AARS2: variants seen among roughly 807,000 people sequenced by gnomAD.
AARS2 encodes alanine--tRNA ligase, mitochondrial.
A neutral mutation model predicts 119.7 loss-of-function variants in AARS2; 78 were observed. That is an observed-to-expected ratio of 0.65 (90% CI 0.54 to 0.79). AARS2 has a LOEUF of 0.79. AARS2 is among the 30% of genes least tolerant of loss of function. The pLI, the probability that AARS2 is intolerant of heterozygous loss-of-function variation, is 0.00. For synonymous variants in AARS2, 502 were observed against 526.3 expected, an observed-to-expected ratio of 0.95 and a Z score of 0.63; for missense variants, 1,157 against 1,291.3, an observed-to-expected ratio of 0.90 and a Z score of 1.59.
rs377764395 is a variant in AARS2 at position 44,304,753 on chromosome 6, G to T, written c.1644C>A (p.Ser548=). 1.6e-5 allele frequency: 26 copies of T among 1,614,108 alleles called. No individual in the cohort carries two copies. The highest frequency in any genetic ancestry group is 2.1e-5 in the Non-Finnish European group (25 of 1,180,048). ...LYTEDGTAVA[S]VGKGQRCGLL... ...GGCCACAGCGCTGGCCTTTCCCCACGGAGGCCACTGCTGTCCCGTCCTCTG... is the reference window on the plus strand; with the variant it reads ...GGCCACAGCGCTGGCCTTTCCCCACTGAGGCCACTGCTGTCCCGTCCTCTG... The change falls in exon 12 of 22, where the codon TCC becomes TCA. Residue 548 remains serine, a synonymous_variant. Coordinates refer to ENST00000244571, the MANE Select transcript of AARS2 (RefSeq NM_020745.4).
At position 44,302,805 on chromosome 6, in the gene AARS2, C is replaced by T; in HGVS notation, c.2361G>A (p.Gln787=). 6.2e-7 allele frequency: 1 copy of T among 1,613,176 alleles called. No homozygotes were observed. Among genetic ancestry groups the T allele is most frequent in the Non-Finnish European group, 8.5e-7 (1 of 1,179,742 alleles). ...CCAGGCCTACTGGCATGCTGACCTG[C>T]TGGGCCTGCTCCCCAGTGACGGCCA... ...RLLAVTGEQA[Q]QARELGQSLA... Residue 787 remains glutamine (Q), a synonymous_variant, in exon 17 of 22, where the codon CAG becomes CAA. Transcript: ENST00000244571.
In AARS2 at chr6:44,299,147, C is replaced by T. The variant is rs966406849; in HGVS notation, c.*1400G>A. On this transcript the variant is annotated 3_prime_UTR_variant, in exon 22 of 22. Transcript: ENST00000244571. ...TTCCACACGGGTCACACCCTCACCTCCCAGCTCCCTGCTCACATGTCACCT... is the reference window on the plus strand; with the variant it reads ...TTCCACACGGGTCACACCCTCACCTTCCAGCTCCCTGCTCACATGTCACCT... 6.6e-6 allele frequency among the ~76,000 whole-genome samples: 1 copy of T among 152,164 alleles called. No homozygotes were observed. The highest frequency in any genetic ancestry group is 2.4e-5 in the African/African-American group (1 of 41,440).
chr6:44,302,714 C>G, intron 17 of AARS2, 88 bp downstream of exon 17: 1 of 1,470,514 alleles, frequency 6.8e-7, no homozygotes, highest in Non-Finnish European at 9.3e-7. Context: ...GGCTCTGCTG[C>G]TGGGCACCCC....
Position 44,305,162 on chromosome 6 carries a change from C to A in AARS2, c.1471G>T (p.Gly491Ter), listed in dbSNP as rs1387781252. The change falls in exon 11 of 22, where the codon GGA becomes TGA. Residue 491 changes from glycine to a stop codon, truncating the protein, a stop_gained. Coordinates refer to ENST00000244571, the MANE Select transcript of AARS2 (RefSeq NM_020745.4). LOFTEE classifies it high-confidence loss of function. This position sits in a 1 kb window ranked among gnomAD's most constrained non-coding sequence, Gnocchi z 4.6. ...AGCGCATGGACATCAAGCCACAATC[C>A]CTGCTTCTGAACTGGCTCAGCCTGC... ...ARQAEPVQKQ[G>*]LWLDVHALGE... The A allele has an allele frequency of 1.9e-6, 3 of 1,613,426 alleles. No homozygotes were observed. Among genetic ancestry groups the A allele is most frequent in the Non-Finnish European group, 2.5e-6 (3 of 1,180,042 alleles).
chr6:44,304,122 C>T, intron 14 of AARS2, 59 bp downstream of exon 14: 1 of 1,609,418 alleles, frequency 6.2e-7, no homozygotes, highest in Non-Finnish European at 8.5e-7. Context: ...TCACAGCAGG[C>T]TGTCTCTCTT....
intron 21 of AARS2, 166 bp from the exon 22 acceptor site, chr6:44,300,877 G>T: frequency 1.1e-6 from 1 of 897,854 alleles, no homozygotes. Context: ...GGCTGGAAAT[G>T]TGTGTGGGGA....
Position 44,300,116 on chromosome 6 carries a change from A to C in AARS2, c.*431T>G. ...TGCCTCAGCCTCCCGAGTAGCTGGG[A>C]CTACAGGCGTGTGCCACCACACCCG... is the stretch of plus-strand genomic sequence containing the variant. On this transcript the variant is annotated 3_prime_UTR_variant, in exon 22 of 22. Transcript: ENST00000244571. The C allele has an allele frequency of 4.2e-6, 1 of 237,446 alleles. No homozygotes were observed. The highest frequency in any genetic ancestry group is 8.4e-6 in the Non-Finnish European group (1 of 118,664). The allele number at this position is 237,446 out of a possible 1,614,324, so 14.7% of individuals were successfully genotyped here.
rs1785212333 is a variant in AARS2, at chr6:44,299,842, C to T, written c.*705G>A. 6.5e-6 allele frequency: 1 copy of T among 152,962 alleles called. No individual in the cohort carries two copies. Among genetic ancestry groups the T allele is most frequent in the African/African-American group, 2.4e-5 (1 of 41,436 alleles). 9.5% of individuals were successfully genotyped at this position (152,962 alleles called of 1,614,324 possible). On this transcript the variant is annotated 3_prime_UTR_variant, in exon 22 of 22. Coordinates refer to ENST00000244571, the MANE Select transcript of AARS2 (RefSeq NM_020745.4). ...CTGGCACGCAGAGCCTGTCCGAACACTCATGGCAATGAAGATGGCCCGATT... is the reference window on the plus strand; with the variant it reads ...CTGGCACGCAGAGCCTGTCCGAACATTCATGGCAATGAAGATGGCCCGATT...
chr6:44,306,331 G>T lies in AARS2; in HGVS notation c.1249C>A (p.Arg417=), dbSNP rs143703625. The change falls in exon 9 of 22, where the codon CGG becomes AGG. Residue 417 remains arginine, a synonymous_variant. Coordinates refer to ENST00000244571, the MANE Select transcript of AARS2 (RefSeq NM_020745.4). ...AFLASLERGR[R]IIDRTLRTLG... is the part of the protein sequence containing the mutation. Reference sequence around the variant, plus strand: ...GTCCTCAGAGTCCGATCAATGATCCGCCTACCCCGCTCCAGGGAGGCCAGG... The same window carrying T: ...GTCCTCAGAGTCCGATCAATGATCCTCCTACCCCGCTCCAGGGAGGCCAGG... 58 of 1,613,990 alleles carry T rather than the reference G, an allele frequency of 3.6e-5. 1 individual carries two copies. The African/African-American group carries it at 7.1e-4, about 20-fold the overall frequency.
rs774868654 is a variant in AARS2 at position 44,300,527 on chromosome 6, G to A, written c.*20C>T. 1 of 1,613,830 alleles carries A rather than the reference G, an allele frequency of 6.2e-7. No individual in the cohort carries two copies. Among genetic ancestry groups the A allele is most frequent in the Non-Finnish European group, 8.5e-7 (1 of 1,180,016 alleles). On this transcript the variant is annotated 3_prime_UTR_variant, in exon 22 of 22. Transcript: ENST00000244571. ...CCTGGCATTGCCTTTAGTCCATGTG[G>A]GTCCCTGGGCGGACCTGGGTCAGAG...
chr6:44,307,410 G>A lies in AARS2; in HGVS notation c.895-16C>T, dbSNP rs199695987. 1,138 of 1,590,916 alleles carry A rather than the reference G, an allele frequency of 7.2e-4. 4 individuals are homozygous for A. Among genetic ancestry groups the A allele is most frequent in the Non-Finnish European group, 9.1e-4 (1,060 of 1,170,888 alleles). On this transcript the variant is annotated splice_polypyrimidine_tract_variant and intron_variant, in intron 5 of 21. Coordinates refer to ENST00000244571, the MANE Select transcript of AARS2 (RefSeq NM_020745.4). The surrounding 1 kb of genome is among the most constrained non-coding windows in gnomAD (Gnocchi z 4.4). ...CCCTGCAGCCCTGGGAAGCAGAAGA[G>A]TCAGCCAGTGGCCCTGCCTGACCTG... is the stretch of plus-strand genomic sequence containing the variant.
chr6:44,301,448 T>C lies in AARS2; in HGVS notation c.2615A>G (p.Gln872Arg), dbSNP rs1451695830. ...LQMGQAAKKTQELLERHSKGP... is the reference protein window; with the variant it reads ...LQMGQAAKKTRELLERHSKGP... ...CTTCGAGTGCCGCTCCAGCAGCTCC[T>C]GAGTTTTCTTTGCAGCCTATGGGGC... is the stretch of plus-strand genomic sequence containing the variant. Residue 872 changes from glutamine (Q) to arginine (R), a missense_variant, in exon 20 of 22, where the codon CAG becomes CGG. By Grantham distance (43) the Gln-to-Arg change is conservative. Coordinates refer to ENST00000244571, the MANE Select transcript of AARS2 (RefSeq NM_020745.4). 2 of 1,613,628 alleles carry C rather than the reference T, an allele frequency of 1.2e-6. No homozygotes were observed. Among genetic ancestry groups the C allele is most frequent in the Non-Finnish European group, 1.7e-6 (2 of 1,179,968 alleles).
chr6:44,300,861 G>C, intron 21 of AARS2, 150 bp from the exon 22 acceptor site: 3 of 1,036,762 alleles, frequency 2.9e-6, no homozygotes, highest in Non-Finnish European at 4.3e-6. Context: ...AGCCGGAGAA[G>C]GTTTGGGCTG....
chr6:44,310,985 C>A lies in AARS2; in HGVS notation c.749+9G>T. 6.2e-7 allele frequency: 1 copy of A among 1,613,826 alleles called. No homozygotes were observed. Among genetic ancestry groups the A allele is most frequent in the South Asian group, 1.1e-5 (1 of 91,050 alleles). ...CAGGGATTCTCATCCTGCTTCAGCA[C>A]CCTATTACCTGTTGTGTTGCATGAA... On this transcript the variant is annotated intron_variant, in intron 4 of 21. Transcript: ENST00000244571.
chr6:44,306,818 G>GTGGGGACCTCTGGGCACCCAGGC, intron 7 of AARS2, 105 bp downstream of exon 7: 1 of 1,066,932 alleles, frequency 9.4e-7, no homozygotes, highest in East Asian at 2.4e-5. Context: ...GATATTTAGG[G>GTGGGGACCTCTGGGCACCCAGGC]TGGGGACCTC....
At position 44,299,073 on chromosome 6, in the gene AARS2, AC is replaced by A. The variant is rs766302064; in HGVS notation, c.*1473del. On this transcript the variant is annotated 3_prime_UTR_variant, in exon 22 of 22. Transcript: ENST00000244571. Reference sequence around the variant, plus strand: ...ACTGCTCAGTGGCACTGGCCACCTCACGGCCTCTGCATTGGCTGTTCCCTCA... The same window carrying A: ...ACTGCTCAGTGGCACTGGCCACCTCAGGCCTCTGCATTGGCTGTTCCCTCA... Among the ~76,000 whole-genome samples the A allele has an allele frequency of 1.8e-4, 28 of 152,148 alleles. No individual in the cohort carries two copies. Among genetic ancestry groups the A allele is most frequent in the South Asian group, 4.2e-4 (2 of 4,810 alleles).
Position 44,305,014 on chromosome 6 carries a change from A to C in AARS2, c.1579+40T>G. On this transcript the variant is annotated intron_variant, in intron 11 of 21. Transcript: ENST00000244571. The surrounding 1 kb of genome is among the most constrained non-coding windows in gnomAD (Gnocchi z 4.6). Reference sequence around the variant, plus strand: ...TTGGACATTCTTCTTAGTCATGGTCAGGCAAGCTTGTGGCGGCAGGCCTTG... The same window carrying C: ...TTGGACATTCTTCTTAGTCATGGTCCGGCAAGCTTGTGGCGGCAGGCCTTG... The C allele has an allele frequency of 6.2e-7, 1 of 1,614,114 alleles. No homozygotes were observed. Among genetic ancestry groups the C allele is most frequent in the Non-Finnish European group, 8.5e-7 (1 of 1,179,998 alleles).
At chr6:44,312,993 C>T (rs1786503758) in intron 1 of AARS2, 88 bp downstream of exon 1, 29 of 1,577,498 alleles carry the variant, frequency 1.8e-5, no homozygotes, top group Non-Finnish European at 2.5e-5. Context: ...CGAACTCCGC[C>T]TCTCGCTTCT....
chr6:44,301,966 C>A, intron 19 of AARS2, 94 bp downstream of exon 19: 1 of 1,330,296 alleles, frequency 7.5e-7, no homozygotes, highest in African/African-American at 1.5e-5. Flanking sequence ...CTTGCACAGC[C>A]TCTGACTCAC....
Sources: allele counts gnomAD v4.1 joint callset (sites outside exome capture counted in the v4.1 genomes callset), GRCh38; gene constraint gnomAD v4.1.1; non-coding constraint Gnocchi (gnomAD v3.1); transcripts MANE v1.5; gene names NCBI Gene and HGNC (gene_info 2026-07-23, HGNC 2026-07-21).